The following KSR2 variants were observed in gnomAD, a reference collection of about 807,000 sequenced individuals.
KSR2 encodes kinase suppressor of ras 2.
In KSR2, 25 loss-of-function variants were observed where a neutral mutation model predicts 107.8. That is an observed-to-expected ratio of 0.23 (90% CI 0.17 to 0.32). The LOEUF (loss-of-function observed/expected upper bound fraction) is 0.32, where lower values mean the gene tolerates loss of function less well. Ranked by LOEUF, KSR2 falls within the 10% of genes least tolerant of loss-of-function variation. The pLI is 1.00. For synonymous variants in KSR2, 480 were observed against 507.0 expected (o/e 0.95, Z 0.71); for missense variants, 887 against 1,268.9 (o/e 0.70, Z 4.57).
chr12:117,895,072 A>G (rs1043990469), intron 1 of KSR2, among the ~76,000 whole-genome samples: 7 of 151,726 alleles, frequency 4.6e-5, no homozygotes, highest in Non-Finnish European at 1.0e-4. Flanking sequence ...TCTACAAAAA[A>G]TTAAAAAAAT....
intron 4 of KSR2, among the ~76,000 whole-genome samples, chr12:117,718,469 G>A (rs780356257): frequency 6.6e-6 from 1 of 152,128 alleles, no homozygotes; most frequent in Non-Finnish European, 1.5e-5. Flanking sequence ...TTGCTGCTTG[G>A]CAGAAACCTC....
chr12:117,632,376 C>A (rs1355637610), intron 5 of KSR2, among the ~76,000 whole-genome samples: 1 of 151,746 alleles, frequency 6.6e-6, no homozygotes, highest in Non-Finnish European at 1.5e-5. Flanking sequence ...AGGTGCCCGC[C>A]ACCATGCCTG....
chr12:117,629,915 CT>C (rs1882726452), intron 5 of KSR2, among the ~76,000 whole-genome samples: 2 of 152,164 alleles, frequency 1.3e-5, no homozygotes, highest in Non-Finnish European at 2.9e-5. Flanking sequence ...ATCATTCAAC[CT>C]TTAGCAAAAC....
At chr12:117,629,673 C>T (rs1395980070) in intron 5 of KSR2, among the ~76,000 whole-genome samples, 1 of 152,222 alleles carries the variant, frequency 6.6e-6, no homozygotes. Context: ...AAATAAATTA[C>T]TCCTATATGT....
At chr12:117,762,223 AC>A (rs1273857808) in intron 3 of KSR2, among the ~76,000 whole-genome samples, 1 of 152,270 alleles carries the variant, frequency 6.6e-6, no homozygotes, top group Non-Finnish European at 1.5e-5. Flanking sequence ...TTAAAGGATA[AC>A]TTTTCCCTTA....
chr12:117,814,942 T>TA (rs946287915), intron 3 of KSR2, among the ~76,000 whole-genome samples: 20 of 152,038 alleles, frequency 1.3e-4, no homozygotes, highest in African/African-American at 2.4e-4. Flanking sequence ...TATAAATCAA[T>TA]AAAAAAACAA....
intron 1 of KSR2, among the ~76,000 whole-genome samples, chr12:117,893,017 A>AT (rs1158068448): frequency 0.019 from 2,566 of 136,838 alleles, 47 homozygotes; most frequent in African/African-American, 0.041. Flanking sequence ...ACCCTGTGTA[A>AT]TTTTTTTTTT....
chr12:117,649,471 T>A (rs188622667), intron 5 of KSR2, among the ~76,000 whole-genome samples: 10 of 152,312 alleles, frequency 6.6e-5, no homozygotes, highest in Non-Finnish European at 1.2e-4. Flanking sequence ...ATCACAACAC[T>A]TAGGTACTGC....
chr12:117,513,288 C>T (rs377189169), intron 14 of KSR2, among the ~76,000 whole-genome samples: 31 of 152,252 alleles, frequency 2.0e-4, no homozygotes, highest in African/African-American at 7.2e-4. Flanking sequence ...TCCTGATATA[C>T]TCCATGACAA....
At chr12:117,502,204 C>T (rs1255419744) in intron 14 of KSR2, among the ~76,000 whole-genome samples, 1 of 152,224 alleles carries the variant, frequency 6.6e-6, no homozygotes, top group African/African-American at 2.4e-5. Context: ...CATGTCAATG[C>T]ATGCATGTGC....
intron 9 of KSR2, among the ~76,000 whole-genome samples, chr12:117,545,480 C>T (rs1412253718): frequency 6.6e-6 from 1 of 152,090 alleles, no homozygotes; most frequent in East Asian, 1.9e-4. Flanking sequence ...TTAATGTTTA[C>T]AGGGCTATGC....
At chr12:117,531,828 C>A in intron 10 of KSR2, 121 bp from the exon 11 acceptor site, 1 of 638,862 alleles carries the variant, frequency 1.6e-6, no homozygotes, top group Non-Finnish European at 2.6e-6. Context: ...AGTTTCCATA[C>A]TTCTGCAGAC....
intron 7 of KSR2, among the ~76,000 whole-genome samples, chr12:117,578,231 A>G (rs1353533721): frequency 6.6e-6 from 1 of 152,166 alleles, no homozygotes; most frequent in Non-Finnish European, 1.5e-5. Context: ...CTCAGCCTTC[A>G]CATCTGTAAA....
chr12:117,509,680 T>A (rs531050299), intron 14 of KSR2, among the ~76,000 whole-genome samples: 12 of 152,316 alleles, frequency 7.9e-5, no homozygotes, highest in Non-Finnish European at 1.3e-4. Flanking sequence ...ATCCTTGATC[T>A]GCACCTCCAA....
chr12:117,863,697 G>C (rs12322811), intron 1 of KSR2, among the ~76,000 whole-genome samples: 3,831 of 152,220 alleles, frequency 0.025, 155 homozygotes, highest in African/African-American at 0.088. Flanking sequence ...CGCAGTTCTG[G>C]AGATCAAAAG....
At chr12:117,753,209 G>C (rs997148881) in intron 4 of KSR2, among the ~76,000 whole-genome samples, 1 of 152,156 alleles carries the variant, frequency 6.6e-6, no homozygotes, top group Non-Finnish European at 1.5e-5. Flanking sequence ...CTTTGGGAAC[G>C]TTTTTAGATT....
In KSR2 at chr12:117,644,871, A is replaced by T. The variant is rs868459725; in HGVS notation, c.1171+22603T>A. The stretch of plus-strand genomic sequence containing the variant: ...CCAACCCACAGACCAGTTGGTATCT[A>T]TAGGCAGCAGTTGCTCTCGCGTGCT... On this transcript the variant is annotated intron_variant, in intron 5 of 19. Transcript: ENST00000339824. Among the ~76,000 whole-genome samples, 4 of 152,174 alleles carry T rather than the reference A, an allele frequency of 2.6e-5. No homozygotes were observed. The South Asian group carries it at 6.2e-4, about 24-fold the overall frequency.
intron 5 of KSR2, among the ~76,000 whole-genome samples, chr12:117,643,336 A>G (rs1883466479): frequency 6.6e-6 from 1 of 152,072 alleles, no homozygotes; most frequent in African/African-American, 2.4e-5. Context: ...AGTCCTAGCT[A>G]CTCGGGAGGG....
chr12:117,830,771 C>T (rs190095125), intron 3 of KSR2, among the ~76,000 whole-genome samples: 12 of 152,182 alleles, frequency 7.9e-5, no homozygotes, highest in African/African-American at 2.2e-4. Context: ...GACCACAAAC[C>T]GGAGATCAGA....
Sources: allele counts gnomAD v4.1 joint callset (sites outside exome capture counted in the v4.1 genomes callset), GRCh38; gene constraint gnomAD v4.1.1; transcripts MANE v1.5; gene names NCBI Gene and HGNC (gene_info 2026-07-23, HGNC 2026-07-21).